ST8SIA1: variants seen among roughly 807,000 people sequenced by gnomAD.
The protein encoded by ST8SIA1 is alpha-N-acetylneuraminide alpha-2,8-sialyltransferase.
Under a neutral mutation model 35.9 loss-of-function variants are expected in ST8SIA1, and 16 were observed. The ratio of observed to expected loss-of-function variants is 0.45; its 90% CI spans 0.30 to 0.68. The LOEUF (loss-of-function observed/expected upper bound fraction) is 0.68. Ranked by LOEUF, ST8SIA1 falls within the 30% of genes least tolerant of loss-of-function variation. The pLI, the probability that ST8SIA1 is intolerant of heterozygous loss-of-function variation, is 0.09. For missense variants in ST8SIA1, 383 were observed against 453.6 expected (o/e 0.84, Z 1.41); for synonymous variants, 170 against 169.6 (o/e 1.00, Z -0.02).
chr12:22,246,463 G>A (rs1032796729), intron 4 of ST8SIA1, among the ~76,000 whole-genome samples: 8 of 152,078 alleles, frequency 5.3e-5, no homozygotes, highest in South Asian at 4.1e-4. Flanking sequence ...ATTCCGTAGC[G>A]TACAATGCCT....
chr12:22,208,150 A>AG (rs1865135568), intron 4 of ST8SIA1, among the ~76,000 whole-genome samples: 1 of 151,598 alleles, frequency 6.6e-6, no homozygotes. Flanking sequence ...AAAAAAAAAA[A>AG]AAGAAGCAAA....
At chr12:22,293,612 T>C (rs1866207150) in intron 1 of ST8SIA1, among the ~76,000 whole-genome samples, 2 of 152,206 alleles carry the variant, frequency 1.3e-5, no homozygotes, top group Non-Finnish European at 2.9e-5. Context: ...TAGAGGACGG[T>C]TTTGAAATTG....
chr12:22,221,452 T>C (rs1865299847), intron 4 of ST8SIA1, among the ~76,000 whole-genome samples: 1 of 152,198 alleles, frequency 6.6e-6, no homozygotes, highest in African/African-American at 2.4e-5. Context: ...CCATTATTTA[T>C]CTGCCACAAT....
intron 2 of ST8SIA1, among the ~76,000 whole-genome samples, chr12:22,263,597 A>G (rs1386814077): frequency 1.3e-5 from 2 of 152,208 alleles, no homozygotes; most frequent in African/African-American, 4.8e-5. Flanking sequence ...ACACTTGGCA[A>G]TATAAAGAAA....
chr12:22,233,540 G>C (rs1391316408), intron 4 of ST8SIA1, among the ~76,000 whole-genome samples: 2 of 151,698 alleles, frequency 1.3e-5, no homozygotes, highest in Admixed American at 6.6e-5. Context: ...CTTTTAAATG[G>C]TAAACTCATT....
chr12:22,244,615 C>A (rs1232256006), intron 4 of ST8SIA1, among the ~76,000 whole-genome samples: 3 of 152,118 alleles, frequency 2.0e-5, no homozygotes, highest in Non-Finnish European at 2.9e-5. Flanking sequence ...TGCCACCATA[C>A]CTGGCTAACT....
At chr12:22,295,718 TG>T (rs1866235638) in intron 1 of ST8SIA1, among the ~76,000 whole-genome samples, 1 of 152,156 alleles carries the variant, frequency 6.6e-6, no homozygotes, top group Non-Finnish European at 1.5e-5. Context: ...GGCAACAAAG[TG>T]AGACCCTGTT....
intron 1 of ST8SIA1, among the ~76,000 whole-genome samples, chr12:22,290,340 T>TGG (rs1344685207): frequency 3.3e-5 from 5 of 152,162 alleles, no homozygotes; most frequent in Non-Finnish European, 7.4e-5. Flanking sequence ...ACACTGGATA[T>TGG]GGCAGCAGCA....
intron 2 of ST8SIA1, among the ~76,000 whole-genome samples, chr12:22,271,616 T>G (rs1267496401): frequency 6.6e-6 from 1 of 152,154 alleles, no homozygotes; most frequent in African/African-American, 2.4e-5. Context: ...AAATGATAAT[T>G]ATAAAAAGTG....
At chr12:22,231,486 A>G (rs1364020146) in intron 4 of ST8SIA1, among the ~76,000 whole-genome samples, 2 of 152,166 alleles carry the variant, frequency 1.3e-5, no homozygotes, top group African/African-American at 2.4e-5. Flanking sequence ...CCTGGCTAGA[A>G]TAAAGAAGCA....
At chr12:22,296,666 C>T (rs1006814467) in intron 1 of ST8SIA1, among the ~76,000 whole-genome samples, 3 of 152,232 alleles carry the variant, frequency 2.0e-5, no homozygotes, top group African/African-American at 7.2e-5. Flanking sequence ...CACAGAAAAA[C>T]AGGGAAGTGG....
At chr12:22,231,596 T>C (rs1482412804) in intron 4 of ST8SIA1, among the ~76,000 whole-genome samples, 1 of 151,970 alleles carries the variant, frequency 6.6e-6, no homozygotes, top group African/African-American at 2.4e-5. Flanking sequence ...TTTTTTGAGA[T>C]GGAGTCTTGC....
At chr12:22,329,272 A>G (rs1866726082) in intron 1 of ST8SIA1, among the ~76,000 whole-genome samples, 1 of 152,174 alleles carries the variant, frequency 6.6e-6, no homozygotes, top group Non-Finnish European at 1.5e-5. Flanking sequence ...CATTTTGTTC[A>G]TGGATCTGTC....
intron 2 of ST8SIA1, among the ~76,000 whole-genome samples, chr12:22,265,931 A>C (rs1865842874): frequency 6.6e-6 from 1 of 151,976 alleles, no homozygotes. Flanking sequence ...CACAGACAAA[A>C]ACACTTCCGA....
chr12:22,324,303 G>A (rs1021459864), intron 1 of ST8SIA1: 11 of 152,038 alleles, frequency 7.2e-5, no homozygotes, highest in Admixed American at 5.2e-4. Flanking sequence ...AAGAACTGGC[G>A]CTTCAAACTA....
intron 4 of ST8SIA1, among the ~76,000 whole-genome samples, chr12:22,244,434 C>A (rs1218804798): frequency 6.6e-6 from 1 of 151,958 alleles, no homozygotes; most frequent in East Asian, 1.9e-4. Context: ...TTGTCCCTAG[C>A]CATATTGTTA....
intron 4 of ST8SIA1, among the ~76,000 whole-genome samples, chr12:22,229,288 AATAG>A (rs1565572314): frequency 6.6e-6 from 1 of 152,088 alleles, no homozygotes; most frequent in Non-Finnish European, 1.5e-5. Flanking sequence ...TTTGTAGATT[AATAG>A]ATAGGGATGA....
chr12:22,307,292 G>T (rs1176681968), intron 1 of ST8SIA1, among the ~76,000 whole-genome samples: 1 of 152,152 alleles, frequency 6.6e-6, no homozygotes, highest in Non-Finnish European at 1.5e-5. Context: ...TTTCACAAAT[G>T]TCAGTCTCCA....
rs1865699066 is a variant in ST8SIA1 at position 22,253,797 on chromosome 12, T to C, written c.491+1483A>G. On this transcript the variant is annotated intron_variant, in intron 3 of 4. Coordinates refer to ENST00000396037, the MANE Select transcript of ST8SIA1 (RefSeq NM_003034.4). ...TGAGGGTACCTGCATGAAGGAAAGGTGGGTATAGAAGGATCTAGACTCTCC... is the reference window on the plus strand; with the variant it reads ...TGAGGGTACCTGCATGAAGGAAAGGCGGGTATAGAAGGATCTAGACTCTCC... Among the ~76,000 whole-genome samples, 4 of 152,114 alleles carry C rather than the reference T, an allele frequency of 2.6e-5. No individual in the cohort carries two copies. The South Asian group carries it at 8.3e-4, about 32-fold the overall frequency.
Sources: gnomAD v4.1 joint callset for allele counts (sites outside exome capture counted in the v4.1 genomes callset) on GRCh38, gnomAD v4.1.1 for gene constraint, MANE v1.5 for transcripts, NCBI Gene and HGNC (gene_info 2026-07-23, HGNC 2026-07-21) for gene names.